WDR72: variants seen among roughly 807,000 people sequenced by gnomAD.
WDR72 encodes WD repeat domain 72.
WDR72 carries 120 observed loss-of-function variants against 124.2 expected under a neutral mutation model. The ratio of observed to expected loss-of-function variants is 0.97; its 90% CI spans 0.83 to 1.12. The LOEUF (loss-of-function observed/expected upper bound fraction) is 1.12. WDR72 is among the 50% of genes most tolerant of loss of function. WDR72 has a pLI of 0.00. For missense variants in WDR72, 1,387 were observed against 1,278.8 expected, an observed-to-expected ratio of 1.08 and a Z score of -1.29; for synonymous variants, 452 against 441.7, an observed-to-expected ratio of 1.02 and a Z score of -0.29.
At chr15:53,579,734 C>G (rs2011811709) in intron 18 of WDR72, among the ~76,000 whole-genome samples, 1 of 152,062 alleles carries the variant, frequency 6.6e-6, no homozygotes, top group African/African-American at 2.4e-5. Context: ...GATTCTGACT[C>G]AAAGACTCTA....
chr15:53,614,896 C>T (rs1219547310), intron 15 of WDR72, among the ~76,000 whole-genome samples: 1 of 152,002 alleles, frequency 6.6e-6, no homozygotes, highest in Non-Finnish European at 1.5e-5. Context: ...ATAAATGAAT[C>T]ACTAAATAGC....
At chr15:53,622,712 A>G (rs549654035) in intron 14 of WDR72, among the ~76,000 whole-genome samples, 22 of 152,196 alleles carry the variant, frequency 1.4e-4, no homozygotes, top group African/African-American at 5.3e-4. Flanking sequence ...CTACAGGCAC[A>G]GCAAATCACC....
chr15:53,669,141 T>C (rs1263954285), intron 13 of WDR72, among the ~76,000 whole-genome samples: 1 of 152,056 alleles, frequency 6.6e-6, no homozygotes, highest in African/African-American at 2.4e-5. Flanking sequence ...AGTACAGCTG[T>C]CTGTAGTACA....
Position 53,706,011 on chromosome 15 carries a change from G to C in WDR72, c.1018C>G (p.Leu340Val). 6.2e-7 allele frequency: 1 copy of C among 1,614,018 alleles called. No individual in the cohort carries two copies. Among genetic ancestry groups the C allele is most frequent in the South Asian group, 1.1e-5 (1 of 91,082 alleles). The change falls in exon 10 of 20, where the codon CTT (leucine) becomes GTT (valine). Residue 340 changes from leucine (L) to valine (V), a missense_variant. Transcript: ENST00000360509. ...NERKEPFYKVLFSGEVSGRIT... is the reference protein window; with the variant it reads ...NERKEPFYKVVFSGEVSGRIT... ...CTTCCTGAGACTTCTCCAGAGAAAA[G>C]TACCTTGTAAAAAGGCTCTTTCCTT...
intron 14 of WDR72, among the ~76,000 whole-genome samples, chr15:53,654,013 T>C (rs2015331944): frequency 6.6e-6 from 1 of 152,178 alleles, no homozygotes; most frequent in African/African-American, 2.4e-5. Flanking sequence ...AACACAAAAT[T>C]ACCAGTGGAT....
intron 1 of WDR72, among the ~76,000 whole-genome samples, chr15:53,736,326 G>A (rs28642291): frequency 6.6e-6 from 1 of 152,070 alleles, no homozygotes. Flanking sequence ...TGAGTGAGGT[G>A]TCCAAATGTG....
At chr15:53,625,503 T>C (rs183535999) in intron 14 of WDR72, among the ~76,000 whole-genome samples, 36 of 152,248 alleles carry the variant, frequency 2.4e-4, no homozygotes, top group African/African-American at 8.7e-4. Context: ...TTTGGAGAGT[T>C]TGGGAGTAAA....
chr15:53,717,703 T>C (rs1000178269), intron 3 of WDR72, among the ~76,000 whole-genome samples: 3 of 152,152 alleles, frequency 2.0e-5, no homozygotes, highest in South Asian at 4.1e-4. Context: ...CTGCCAAATA[T>C]CCTACAATGC....
At chr15:53,653,479 T>C (rs1172257537) in intron 14 of WDR72, among the ~76,000 whole-genome samples, 1 of 152,192 alleles carries the variant, frequency 6.6e-6, no homozygotes. Flanking sequence ...GAAAATATTC[T>C]GGCAAAAGAC....
intron 18 of WDR72, among the ~76,000 whole-genome samples, chr15:53,565,101 C>G: frequency 6.6e-6 from 1 of 151,698 alleles, no homozygotes; most frequent in Admixed American, 6.6e-5. Flanking sequence ...GGGAAAGGTG[C>G]TGGAGAAATA....
At chr15:53,659,310 C>T (rs572063213) in intron 14 of WDR72, among the ~76,000 whole-genome samples, 2 of 152,276 alleles carry the variant, frequency 1.3e-5, no homozygotes, top group South Asian at 2.1e-4. Flanking sequence ...ATTTGTCACA[C>T]GAGTCAGAAC....
At chr15:53,653,048 A>G (rs973166964) in intron 14 of WDR72, among the ~76,000 whole-genome samples, 5 of 152,146 alleles carry the variant, frequency 3.3e-5, no homozygotes, top group African/African-American at 4.8e-5. Context: ...ACCAAGTCAC[A>G]TGTAAACCTG....
chr15:53,580,281 T>G (rs2011845711), intron 18 of WDR72, among the ~76,000 whole-genome samples: 1 of 152,130 alleles, frequency 6.6e-6, no homozygotes, highest in Non-Finnish European at 1.5e-5. Context: ...TAATTTCATT[T>G]AAAAAAGCTT....
intron 13 of WDR72, among the ~76,000 whole-genome samples, chr15:53,681,067 C>A (rs1202873622): frequency 6.6e-6 from 1 of 152,224 alleles, no homozygotes; most frequent in Non-Finnish European, 1.5e-5. Context: ...CCTTTCCCAT[C>A]AAATCTTAAC....
At chr15:53,657,154 C>T (rs2015453585) in intron 14 of WDR72, among the ~76,000 whole-genome samples, 2 of 149,360 alleles carry the variant, frequency 1.3e-5, no homozygotes, top group South Asian at 2.1e-4. Context: ...GTCCCAGCTA[C>T]TCGGGAGGGT....
At chr15:53,682,720 G>T (rs2016439073) in intron 13 of WDR72, among the ~76,000 whole-genome samples, 1 of 152,146 alleles carries the variant, frequency 6.6e-6, no homozygotes, top group Non-Finnish European at 1.5e-5. Context: ...CTTTATTCCA[G>T]TTCCCAACAT....
intron 1 of WDR72, among the ~76,000 whole-genome samples, chr15:53,735,659 C>T (rs935186445): frequency 6.6e-6 from 1 of 151,956 alleles, no homozygotes. Context: ...CAAGAGTGAA[C>T]GAGATTTCTG....
At chr15:53,550,965 TCA>T (rs776896862) in intron 18 of WDR72, among the ~76,000 whole-genome samples, 3 of 152,114 alleles carry the variant, frequency 2.0e-5, no homozygotes, top group Admixed American at 6.6e-5. Context: ...TGAAAGAAAT[TCA>T]CAGTTTGTCA....
At chr15:53,623,101 T>C (rs2014066163) in intron 14 of WDR72, among the ~76,000 whole-genome samples, 1 of 152,198 alleles carries the variant, frequency 6.6e-6, no homozygotes, top group African/African-American at 2.4e-5. Flanking sequence ...AAATATTGTA[T>C]ACTATACGGG....
Sources: gnomAD v4.1 joint callset for allele counts (sites outside exome capture counted in the v4.1 genomes callset) on GRCh38, gnomAD v4.1.1 for gene constraint, MANE v1.5 for transcripts, NCBI Gene and HGNC (gene_info 2026-07-23, HGNC 2026-07-21) for gene names.